Variants in IFT80 observed in about 807,000 individuals in gnomAD.
IFT80 encodes the protein intraflagellar transport protein 80 homolog.
IFT80 carries 79 observed loss-of-function variants against 107.9 expected under a neutral mutation model. The observed-to-expected ratio is 0.73, with a 90% CI of 0.61 to 0.88. The LOEUF (loss-of-function observed/expected upper bound fraction) is 0.88. Ranked by LOEUF, IFT80 falls within the 40% of genes least tolerant of loss-of-function variation. The pLI, the probability that IFT80 is intolerant of heterozygous loss-of-function variation, is 0.00. For synonymous variants in IFT80, 299 were observed against 300.9 expected (o/e 0.99, Z 0.07); for missense variants, 797 against 914.2 (o/e 0.87, Z 1.65).
intron 2 of IFT80, chr3:160,383,449 T>C (rs1229700583): frequency 2.1e-6 from 2 of 965,466 alleles, no homozygotes; most frequent in African/African-American, 3.5e-5. Flanking sequence ...ATTTAAAATG[T>C]CTGACCAAAT....
chr3:160,261,716 G>A (rs947568099), intron 19 of IFT80, among the ~76,000 whole-genome samples: 21 of 149,386 alleles, frequency 1.4e-4, no homozygotes, highest in Non-Finnish European at 3.0e-4. Flanking sequence ...TGAAAGGATC[G>A]CTTGAGTCTG....
At chr3:160,396,952 C>A (rs1252407710) in intron 1 of IFT80, among the ~76,000 whole-genome samples, 1 of 152,090 alleles carries the variant, frequency 6.6e-6, no homozygotes, top group Non-Finnish European at 1.5e-5. Context: ...GGTTTATGCC[C>A]CTTTTCAAAA....
chr3:160,343,785 GT>G, intron 8 of IFT80: 1 of 350,478 alleles, frequency 2.9e-6, no homozygotes, highest in Non-Finnish European at 5.6e-6. Context: ...ACTTTTGCTT[GT>G]TTATAGTCTT....
At chr3:160,372,134 G>A (rs1711570645) in intron 5 of IFT80, among the ~76,000 whole-genome samples, 2 of 152,076 alleles carry the variant, frequency 1.3e-5, no homozygotes. Flanking sequence ...AATGAATTCA[G>A]GAATTAATCT....
In IFT80 at chr3:160,277,650, A is replaced by G; in HGVS notation, c.1857T>C (p.Cys619=). ...GATTAGCAACTGCCATAGCAGCTAG[A>G]CAAGCCCACATGGTTTGCTCCTAAA... ...RFVKEQTMWA[C]LAAMAVANRD... Residue 619 remains cysteine (C), a synonymous_variant, in exon 17 of 20, where the codon TGT becomes TGC. Coordinates refer to ENST00000326448, the MANE Select transcript of IFT80 (RefSeq NM_020800.3). 6.2e-7 allele frequency: 1 copy of G among 1,613,446 alleles called. No individual in the cohort carries two copies. The highest frequency in any genetic ancestry group is 8.5e-7 in the Non-Finnish European group (1 of 1,179,552).
chr3:160,285,292 A>G (rs191958596), intron 13 of IFT80, among the ~76,000 whole-genome samples: 2 of 152,308 alleles, frequency 1.3e-5, no homozygotes, highest in East Asian at 3.9e-4. Context: ...ATATATCAGC[A>G]ATTTAGAAGG....
At chr3:160,382,863 TAAAG>T (rs941259795) in intron 2 of IFT80, among the ~76,000 whole-genome samples, 2 of 152,010 alleles carry the variant, frequency 1.3e-5, no homozygotes, top group African/African-American at 2.4e-5. Context: ...ACCAAAAAGA[TAAAG>T]AGAGATTATA....
At chr3:160,339,681 G>C (rs895048809) in intron 8 of IFT80, among the ~76,000 whole-genome samples, 5 of 152,048 alleles carry the variant, frequency 3.3e-5, no homozygotes, top group Non-Finnish European at 7.4e-5. Context: ...AACAAAAAGT[G>C]GGTAAGCAAA....
At chr3:160,365,002 T>TAA (rs140553498) in intron 6 of IFT80, among the ~76,000 whole-genome samples, 25 of 141,568 alleles carry the variant, frequency 1.8e-4, no homozygotes, top group Admixed American at 6.2e-4. Flanking sequence ...AAAGTATAAT[T>TAA]AAAAAAAAAA....
intron 8 of IFT80, chr3:160,343,823 C>G (rs1217272119): frequency 3.3e-6 from 1 of 303,710 alleles, no homozygotes; most frequent in Non-Finnish European, 6.6e-6. Context: ...AAACTGTCAA[C>G]AAAACAGAAT....
intron 1 of IFT80, among the ~76,000 whole-genome samples, chr3:160,388,917 G>C (rs1165959545): frequency 1.3e-5 from 2 of 152,146 alleles, no homozygotes; most frequent in Non-Finnish European, 2.9e-5. Context: ...AGCTTCTAGA[G>C]GCTGGAAAGG....
intron 8 of IFT80, among the ~76,000 whole-genome samples, chr3:160,329,978 T>G (rs919271728): frequency 6.6e-6 from 1 of 152,170 alleles, no homozygotes; most frequent in Non-Finnish European, 1.5e-5. Context: ...TTACTCAAAG[T>G]GTGCAAGCCA....
At chr3:160,365,344 T>C (rs1721793275) in intron 6 of IFT80, among the ~76,000 whole-genome samples, 1 of 152,152 alleles carries the variant, frequency 6.6e-6, no homozygotes, top group South Asian at 2.1e-4. Flanking sequence ...GATGTTATAA[T>C]ATGGAACCTC....
intron 18 of IFT80, among the ~76,000 whole-genome samples, chr3:160,277,100 T>C (rs192186443): frequency 6.6e-6 from 1 of 152,318 alleles, no homozygotes; most frequent in East Asian, 1.9e-4. Flanking sequence ...CACCCTAGCC[T>C]CTCTTCTTCA....
At chr3:160,364,282 G>A (rs1559962451) in intron 6 of IFT80, among the ~76,000 whole-genome samples, 1 of 152,192 alleles carries the variant, frequency 6.6e-6, no homozygotes, top group African/African-American at 2.4e-5. Context: ...TCAGAGAAAT[G>A]TAAATCAAAA....
intron 8 of IFT80, among the ~76,000 whole-genome samples, chr3:160,328,814 A>C (rs1213281030): frequency 6.6e-6 from 1 of 152,158 alleles, no homozygotes; most frequent in Non-Finnish European, 1.5e-5. Flanking sequence ...CATAAAAAGG[A>C]ATGAGATCAT....
intron 8 of IFT80, among the ~76,000 whole-genome samples, chr3:160,350,800 C>A (rs770153575): frequency 6.6e-6 from 1 of 151,306 alleles, no homozygotes; most frequent in Non-Finnish European, 1.5e-5. Flanking sequence ...GGCGACAGAG[C>A]GAGGCTCCGT....
intron 1 of IFT80, among the ~76,000 whole-genome samples, chr3:160,390,083 T>G (rs1174163703): frequency 6.6e-6 from 1 of 152,068 alleles, no homozygotes; most frequent in Non-Finnish European, 1.5e-5. Context: ...TATGGGAGTT[T>G]GGGAGGCAAA....
chr3:160,379,920 G>A (rs1430094838), intron 3 of IFT80, among the ~76,000 whole-genome samples: 1 of 151,948 alleles, frequency 6.6e-6, no homozygotes, highest in South Asian at 2.1e-4. Context: ...ACTACTGTTT[G>A]TCCTAACATC....
Sources: gnomAD v4.1 joint callset for allele counts (sites outside exome capture counted in the v4.1 genomes callset) on GRCh38, gnomAD v4.1.1 for gene constraint, MANE v1.5 for transcripts, NCBI Gene and HGNC (gene_info 2026-07-23, HGNC 2026-07-21) for gene names.